COX15: variants seen among roughly 807,000 people sequenced by gnomAD.
The protein encoded by COX15 is cytochrome c oxidase assembly factor COX15, also known as heme A synthase COX15.
In COX15, 51 loss-of-function variants were observed where a neutral mutation model predicts 51.9. The ratio of observed to expected loss-of-function variants is 0.98; its 90% confidence interval spans 0.78 to 1.24. The LOEUF is 1.24. Among genes scored for constraint, COX15 ranks in the 50% most tolerant of loss-of-function variants. The pLI is 0.00. For synonymous variants in COX15, 188 were observed against 190.5 expected (o/e 0.99, Z 0.11); for missense variants, 420 against 501.1 (o/e 0.84, Z 1.55).
intron 2 of COX15, among the ~76,000 whole-genome samples, chr10:99,728,405 G>A (rs2037031160): frequency 6.6e-6 from 1 of 152,146 alleles, no homozygotes; most frequent in Non-Finnish European, 1.5e-5. Flanking sequence ...TGGAGGATTT[G>A]GGGGACCAAT....
chr10:99,724,757 G>C (rs1468045237), intron 4 of COX15, among the ~76,000 whole-genome samples: 1 of 151,574 alleles, frequency 6.6e-6, no homozygotes, highest in Non-Finnish European at 1.5e-5. Context: ...AAGGTCCATG[G>C]ATATATCTCA....
chr10:99,713,742 G>A lies in COX15; in HGVS notation c.*845C>T, dbSNP rs1376364290. 1.4e-5 allele frequency: 7 copies of A among 509,704 alleles called. No individual in the cohort carries two copies. The highest frequency in any genetic ancestry group is 7.1e-5 in the Admixed American group (2 of 28,346). 31.6% of individuals were successfully genotyped at this position (509,704 alleles called of 1,614,324 possible). On this transcript the variant is annotated 3_prime_UTR_variant, in exon 9 of 9. Coordinates refer to ENST00000016171, the MANE Select transcript of COX15 (RefSeq NM_078470.6). Reference sequence around the variant, plus strand: ...CTCAGCACTTTGGGAAGCCGAGATGGGCGGATTACCTGAGGTCAGGAGTTC... The same window carrying A: ...CTCAGCACTTTGGGAAGCCGAGATGAGCGGATTACCTGAGGTCAGGAGTTC...
intron 4 of COX15, 81 bp downstream of exon 4, chr10:99,726,887 C>A (rs80137267): frequency 7.8e-4 from 726 of 934,848 alleles, no homozygotes; most frequent in African/African-American, 3.7e-3. Context: ...GACTCCGTCT[C>A]AAAAAAAAAA....
In COX15 at chr10:99,726,354, A is replaced by C. The variant is rs374600884; in HGVS notation, c.582+614T>G. Among the ~76,000 whole-genome samples the C allele has an allele frequency of 2.6e-5, 4 of 152,196 alleles. No individual in the cohort carries two copies. In the East Asian group the frequency reaches 5.8e-4, roughly 22 times the overall value. On this transcript the variant is annotated intron_variant, in intron 4 of 8. Transcript: ENST00000016171. ...ATGAAAATATACTACTGAGTGCTTT[A>C]CTGATTCCAGGCACTAAGCTAAGTA...
At position 99,711,544 on chromosome 10, in the gene COX15, G is replaced by A; in HGVS notation, c.*3043C>T. The A allele has an allele frequency of 6.1e-6, 6 of 985,420 alleles. No homozygotes were observed. The highest frequency in any genetic ancestry group is 7.2e-6 in the Non-Finnish European group (6 of 829,922). The allele number at this position is 985,420 out of a possible 1,614,324, so 61.0% of individuals were successfully genotyped here. A position where few individuals can be genotyped will look rare whatever the true frequency, so the allele number is the denominator to read the frequency against. On this transcript the variant is annotated 3_prime_UTR_variant, in exon 9 of 9. Coordinates refer to ENST00000016171, the MANE Select transcript of COX15 (RefSeq NM_078470.6). ...GAATAAGCTAGTCAGAACTTTCTAA[G>A]GTAACTAGGCTATTAGGACCTAAGC... is the stretch of plus-strand genomic sequence containing the variant.
the COX15 span, chr10:99,700,863 T>A: frequency 1.2e-6 from 1 of 850,192 alleles, no homozygotes; most frequent in Admixed American, 2.0e-5. Context: ...TTTTCCTTTG[T>A]CAGCTGGTAG....
chr10:99,704,928 G>A, the COX15 span: 1 of 526,528 alleles, frequency 1.9e-6, no homozygotes, highest in South Asian at 2.3e-5. Flanking sequence ...ACCAAGCTTT[G>A]TCCAAGTGAA....
the COX15 span, chr10:99,704,821 A>C: frequency 1.3e-6 from 1 of 782,346 alleles, no homozygotes; most frequent in East Asian, 2.7e-5. Flanking sequence ...TTTACTTTCT[A>C]CCGTAATTCC....
At chr10:99,719,411 C>T (rs993090007) in intron 6 of COX15, among the ~76,000 whole-genome samples, 1 of 152,098 alleles carries the variant, frequency 6.6e-6, no homozygotes, top group African/African-American at 2.4e-5. Context: ...CCAGGCTGGT[C>T]TCGAACTCCC....
rs2036382096 is a variant in COX15 at position 99,711,430 on chromosome 10, T to C, written c.*3157A>G. The C allele has an allele frequency of 1.0e-6, 1 of 985,258 alleles. No homozygotes were observed. The highest frequency in any genetic ancestry group is 4.7e-5 in the South Asian group (1 of 21,286). 61.0% of individuals were successfully genotyped at this position (985,258 alleles called of 1,614,324 possible). A position where few individuals can be genotyped will look rare whatever the true frequency, so the allele number is the denominator to read the frequency against. ...AGTTCCCTTTCTTTGAAGGATTCTA[T>C]CCAGAAGAGACCATATCCTACTAAC... On this transcript the variant is annotated 3_prime_UTR_variant, in exon 9 of 9. Coordinates refer to ENST00000016171, the MANE Select transcript of COX15 (RefSeq NM_078470.6).
intron 4 of COX15, among the ~76,000 whole-genome samples, chr10:99,725,241 A>C (rs556342688): frequency 6.6e-6 from 1 of 152,302 alleles, no homozygotes; most frequent in African/African-American, 2.4e-5. Flanking sequence ...ACTCTTCAGG[A>C]AATCTTTTTG....
Position 99,714,383 on chromosome 10 carries a change from T to A in COX15, c.*204A>T. ...CTGATTTTCAACATGAAAAGCAGAT[T>A]TAAAAGGGAACATTTAGGGTAACCA... On this transcript the variant is annotated 3_prime_UTR_variant, in exon 9 of 9. Coordinates refer to ENST00000016171, the MANE Select transcript of COX15 (RefSeq NM_078470.6). 1 of 1,392,412 alleles carries A rather than the reference T, an allele frequency of 7.2e-7. No homozygotes were observed. Among genetic ancestry groups the A allele is most frequent in the Non-Finnish European group, 9.3e-7 (1 of 1,073,078 alleles). The allele number at this position is 1,392,412 out of a possible 1,614,324, so 86.3% of individuals were successfully genotyped here.
downstream of COX15, chr10:99,708,851 A>G (rs1432778951): frequency 2.6e-5 from 26 of 985,310 alleles, no homozygotes; most frequent in Non-Finnish European, 3.0e-5. Context: ...CTACAATGAA[A>G]TGCTCATTAA....
downstream of COX15, among the ~76,000 whole-genome samples, chr10:99,706,763 T>G (rs977512664): frequency 6.6e-6 from 1 of 152,226 alleles, no homozygotes; most frequent in South Asian, 2.1e-4. Flanking sequence ...GAATGCTGCT[T>G]AAAAATAATG....
downstream of COX15, among the ~76,000 whole-genome samples, chr10:99,708,355 ATGTTT>A (rs1283595230): frequency 6.6e-6 from 1 of 152,116 alleles, no homozygotes; most frequent in Non-Finnish European, 1.5e-5. Flanking sequence ...TCACAGTTTT[ATGTTT>A]TGTTTTTTGT....
intron 6 of COX15, among the ~76,000 whole-genome samples, chr10:99,720,213 G>A (rs546371453): frequency 6.6e-6 from 1 of 152,332 alleles, no homozygotes; most frequent in South Asian, 2.1e-4. Context: ...GGGAGGCTAA[G>A]GCGGGTGGAT....
the COX15 span, chr10:99,701,090 G>T: frequency 2.3e-5 from 36 of 1,549,604 alleles, no homozygotes; most frequent in African/African-American, 4.3e-4. Context: ...CTTAGATGTG[G>T]ACTTAAAATC....
intron 8 of COX15, among the ~76,000 whole-genome samples, chr10:99,715,914 T>G (rs552877937): frequency 2.0e-5 from 3 of 152,180 alleles, no homozygotes; most frequent in Non-Finnish European, 4.4e-5. Context: ...TGTCCTTTAC[T>G]TATTTTCCGG....
Position 99,729,692 on chromosome 10 carries a change from T to C in COX15, c.133A>G (p.Thr45Ala). The change falls in exon 2 of 9, where the codon ACC (threonine) becomes GCC (alanine). Residue 45 changes from threonine (T) to alanine (A), a missense_variant. Thr to Ala is a moderately conservative substitution (Grantham distance 58). Coordinates refer to ENST00000016171, the MANE Select transcript of COX15 (RefSeq NM_078470.6). Reference sequence around the variant, plus strand: ...GATTGCAAAGCTACTTCAGAGATGGTGCTGTATTGCCCTGGCCTCAAAGGG... The same window carrying C: ...GATTGCAAAGCTACTTCAGAGATGGCGCTGTATTGCCCTGGCCTCAAAGGG... ...RRPLRPGQYS[T>A]ISEVALQSGR... 1.9e-6 allele frequency: 3 copies of C among 1,614,126 alleles called. No individual in the cohort carries two copies. The highest frequency in any genetic ancestry group is 2.5e-6 in the Non-Finnish European group (3 of 1,180,024).
Sources: gnomAD v4.1 joint callset for allele counts (sites outside exome capture counted in the v4.1 genomes callset) on GRCh38, gnomAD v4.1.1 for gene constraint, MANE v1.5 for transcripts, NCBI Gene and HGNC (gene_info 2026-07-23, HGNC 2026-07-21) for gene names.